The following PLAC1 variants were observed in gnomAD, a reference collection of about 807,000 sequenced individuals.
PLAC1 encodes placenta associated 1.
For missense variants in PLAC1, 136 were observed against 163.2 expected, an observed-to-expected ratio of 0.83 and a Z score of 0.91; for synonymous variants, 68 against 62.1, an observed-to-expected ratio of 1.09 and a Z score of -0.44.
intron 1 of PLAC1, among the ~76,000 whole-genome samples, chrX:134,755,856 CTT>C (rs776901556): frequency 3.3e-3 from 150 of 45,499 alleles, no homozygotes; most frequent in African/African-American, 0.015. Context: ...CCTTTTCTTT[CTT>C]TTTTTTTTTT....
At chrX:134,633,939 G>A (rs1236909582) in intron 1 of PLAC1, among the ~76,000 whole-genome samples, 1 of 111,728 alleles carries the variant, frequency 9.0e-6, no homozygotes, top group African/African-American at 3.3e-5. Flanking sequence ...AGCCAGGACA[G>A]GAGAAAGAGC....
intron 1 of PLAC1, among the ~76,000 whole-genome samples, chrX:134,759,505 C>T (rs2078764939): frequency 1.8e-5 from 2 of 111,399 alleles, no homozygotes; most frequent in African/African-American, 6.5e-5. Context: ...CTATGGAAAA[C>T]AGTATGGAGA....
At chrX:134,733,735 G>C (rs1475899806) in intron 1 of PLAC1, 6 of 111,038 alleles carry the variant, frequency 5.4e-5, no homozygotes, top group Non-Finnish European at 9.4e-5. Flanking sequence ...GAGCAGGGTG[G>C]GTTGGCAGGG....
At chrX:134,697,347 T>C (rs779809118) in intron 2 of PLAC1, among the ~76,000 whole-genome samples, 1 of 111,365 alleles carries the variant, frequency 9.0e-6, no homozygotes, top group African/African-American at 3.3e-5. Context: ...AAAGAATGTA[T>C]GGTCATTGTA....
chrX:134,711,469 T>C (rs963566732), intron 2 of PLAC1, among the ~76,000 whole-genome samples: 1 of 112,235 alleles, frequency 8.9e-6, no homozygotes, highest in Non-Finnish European at 1.9e-5. Context: ...GGCTTGTCTG[T>C]GGCTTTGAGA....
At chrX:134,595,135 A>AATGTTGTT (rs1451843073) in intron 2 of PLAC1, among the ~76,000 whole-genome samples, 1 of 110,701 alleles carries the variant, frequency 9.0e-6, no homozygotes, top group Non-Finnish European at 1.9e-5. Context: ...TATTTAGAAG[A>AATGTTGTT]ATGTTGTTTA....
At chrX:134,688,017 G>A (rs1032873624) in intron 2 of PLAC1, among the ~76,000 whole-genome samples, 9 of 106,030 alleles carry the variant, frequency 8.5e-5, no homozygotes, top group African/African-American at 3.1e-4. Context: ...TGAGAAGAGA[G>A]AAGACAGGAA....
intron 2 of PLAC1, among the ~76,000 whole-genome samples, chrX:134,700,101 T>A (rs2078577641): frequency 9.0e-6 from 1 of 111,676 alleles, no homozygotes; most frequent in African/African-American, 3.3e-5. Flanking sequence ...AGTGATTACC[T>A]CATATAGACT....
At chrX:134,605,393 G>A (rs534903601) in intron 1 of PLAC1, among the ~76,000 whole-genome samples, 72 of 112,139 alleles carry the variant, frequency 6.4e-4, no homozygotes, top group African/African-American at 2.1e-3. Context: ...AGCTCTCCCC[G>A]CAATGCTATG....
At chrX:134,575,395 C>T (rs1204052076) in intron 2 of PLAC1, among the ~76,000 whole-genome samples, 1 of 109,138 alleles carries the variant, frequency 9.2e-6, no homozygotes, top group Admixed American at 9.9e-5. Flanking sequence ...CCTGTTGTCC[C>T]AGCTACTTGG....
At chrX:134,573,608 G>A (rs1010334602) in intron 2 of PLAC1, among the ~76,000 whole-genome samples, 1 of 111,533 alleles carries the variant, frequency 9.0e-6, no homozygotes, top group Non-Finnish European at 1.9e-5. Context: ...AATAAATGAG[G>A]GCTCTAGATG....
intron 2 of PLAC1, among the ~76,000 whole-genome samples, chrX:134,595,048 ATAT>A (rs997469938): frequency 9.1e-6 from 1 of 109,889 alleles, no homozygotes; most frequent in Non-Finnish European, 1.9e-5. Flanking sequence ...AAATTTTGAA[ATAT>A]TATAGTTTTA....
intron 1 of PLAC1, among the ~76,000 whole-genome samples, chrX:134,656,495 C>A (rs73566663): frequency 8.9e-6 from 1 of 112,007 alleles, no homozygotes; most frequent in Non-Finnish European, 1.9e-5. Context: ...AGCAGCACCC[C>A]CTCTCTGAAT....
At chrX:134,680,457 C>G (rs2078490819) in intron 2 of PLAC1, among the ~76,000 whole-genome samples, 1 of 110,721 alleles carries the variant, frequency 9.0e-6, no homozygotes, top group African/African-American at 3.3e-5. Context: ...AGAAGAGGGT[C>G]CTGCCTGAAA....
intron 2 of PLAC1, among the ~76,000 whole-genome samples, chrX:134,690,550 G>A (rs1207138417): frequency 9.0e-6 from 1 of 111,206 alleles, no homozygotes; most frequent in East Asian, 2.8e-4. Context: ...GATCAACCAG[G>A]TTTGGAAGTC....
At chrX:134,595,810 C>T (rs1332971820) in intron 2 of PLAC1, among the ~76,000 whole-genome samples, 1 of 109,274 alleles carries the variant, frequency 9.2e-6, no homozygotes, top group Admixed American at 9.9e-5. Flanking sequence ...TTTTTCTTAT[C>T]CACTCTGCCA....
At chrX:134,690,626 C>T (rs1476458896) in intron 2 of PLAC1, among the ~76,000 whole-genome samples, 1 of 109,696 alleles carries the variant, frequency 9.1e-6, no homozygotes, top group Non-Finnish European at 1.9e-5. Flanking sequence ...TCCAATAGTG[C>T]AGGGCACAGA....
At chrX:134,735,066 G>A (rs1420278919) in intron 1 of PLAC1, among the ~76,000 whole-genome samples, 1 of 111,669 alleles carries the variant, frequency 9.0e-6, no homozygotes, top group East Asian at 2.8e-4. Context: ...TCCAGGACTG[G>A]GCTGAGAAAG....
chrX:134,566,349 G>C lies in PLAC1; in HGVS notation c.334C>G (p.Pro112Ala). The change falls in exon 3 of 3, where the codon CCA becomes GCA. Residue 112 changes from proline (P) to alanine (A), a missense_variant. Pro to Ala is a conservative substitution (Grantham distance 27). Coordinates refer to ENST00000359237, the MANE Select transcript of PLAC1 (RefSeq NM_021796.4). ...SKGTPSKFVIPVSCAAPQKSP... is the reference protein window; with the variant it reads ...SKGTPSKFVIAVSCAAPQKSP... Reference sequence around the variant, plus strand: ...TTTTGGGGGGCAGCACATGACACTGGGATCACAAACTTAGATGGCGTGCCC... The same window carrying C: ...TTTTGGGGGGCAGCACATGACACTGCGATCACAAACTTAGATGGCGTGCCC... 8.3e-7 allele frequency: 1 copy of C among 1,211,557 alleles called. No individual in the cohort carries two copies. Among genetic ancestry groups the C allele is most frequent in the Non-Finnish European group, 1.1e-6 (1 of 895,351 alleles).
Sources: allele counts gnomAD v4.1 joint callset (sites outside exome capture counted in the v4.1 genomes callset), GRCh38; gene constraint gnomAD v4.1.1; transcripts MANE v1.5; gene names NCBI Gene and HGNC (gene_info 2026-07-23, HGNC 2026-07-21).